The following CACNA2D2 variants were observed in gnomAD, a reference collection of about 807,000 sequenced individuals.
CACNA2D2 encodes voltage-dependent calcium channel subunit alpha-2/delta-2.
A neutral mutation model predicts 166.4 loss-of-function variants in CACNA2D2; 48 were observed. That is an observed-to-expected ratio of 0.29 (90% CI 0.23 to 0.37). CACNA2D2 has a LOEUF of 0.37. CACNA2D2 is among the 10% of genes least tolerant of loss of function. CACNA2D2 has a pLI of 1.00. For missense variants in CACNA2D2, 1,122 were observed against 1,433.0 expected, an observed-to-expected ratio of 0.78 and a Z score of 3.50; for synonymous variants, 561 against 573.7, an observed-to-expected ratio of 0.98 and a Z score of 0.32.
intron 3 of CACNA2D2, among the ~76,000 whole-genome samples, chr3:50,424,355 G>A (rs1031450641): frequency 6.6e-6 from 1 of 152,160 alleles, no homozygotes; most frequent in Non-Finnish European, 1.5e-5. Context: ...GTGTACCCCA[G>A]GGAGACTGGC....
chr3:50,368,090 A>G (rs1295117288), intron 24 of CACNA2D2, 48 bp downstream of exon 24: 1 of 1,430,392 alleles, frequency 7.0e-7, no homozygotes, highest in Non-Finnish European at 9.9e-7. Context: ...GGCTGGCCCC[A>G]TGCTGCCTGG....
intron 3 of CACNA2D2, among the ~76,000 whole-genome samples, chr3:50,404,461 C>T (rs751228474): frequency 6.6e-6 from 1 of 152,140 alleles, no homozygotes; most frequent in Non-Finnish European, 1.5e-5. Context: ...GACAGGAGTG[C>T]CTCATCTGGC....
chr3:50,448,808 G>A (rs2236978), intron 2 of CACNA2D2, among the ~76,000 whole-genome samples: 14,753 of 152,086 alleles, frequency 0.097, 2,096 homozygotes, highest in African/African-American at 0.31. Flanking sequence ...CCTAGAGCCA[G>A]GCCACCCACA....
chr3:50,446,980 G>A (rs1179789425), intron 2 of CACNA2D2, among the ~76,000 whole-genome samples: 6 of 152,234 alleles, frequency 3.9e-5, no homozygotes, highest in Non-Finnish European at 8.8e-5. Context: ...AAAGAGCCAG[G>A]ATGACCCAGG....
At position 50,379,726 on chromosome 3, in the gene CACNA2D2, G is replaced by A. The variant is rs747427558; in HGVS notation, c.992C>T (p.Ser331Leu). 11 of 1,613,560 alleles carry A rather than the reference G, an allele frequency of 6.8e-6. No individual in the cohort carries two copies. The highest frequency in any genetic ancestry group is 2.2e-5 in the East Asian group (1 of 44,892). ...CCCGTCTGCCACCTTGGCACTCACC[G>A]AGGCCACATTCACATAGTCATCATC... ...LSDDDYVNVASFNEKAQPVSC... is the reference protein window; with the variant it reads ...LSDDDYVNVALFNEKAQPVSC... Residue 331 changes from serine to leucine, a missense_variant and splice_region_variant, in exon 10 of 38, where the codon TCG becomes TTG. Transcript: ENST00000424201. This position sits in a 1 kb window ranked among gnomAD's most constrained non-coding sequence, Gnocchi z 6.5.
In CACNA2D2 at chr3:50,366,524, G is replaced by A; in HGVS notation, c.2637+54C>T. The A allele has an allele frequency of 6.3e-7, 1 of 1,591,320 alleles. No homozygotes were observed. The highest frequency in any genetic ancestry group is 8.6e-7 in the Non-Finnish European group (1 of 1,159,276). On this transcript the variant is annotated intron_variant, in intron 30 of 37. Coordinates refer to ENST00000424201, the MANE Select transcript of CACNA2D2 (RefSeq NM_006030.4). This position sits in a 1 kb window ranked among gnomAD's most constrained non-coding sequence, Gnocchi z 5.9. ...TGCTGGGAGTCGCGGCTGGGACTAG[G>A]AAGTCTGGAAGTGGGGTAAGCTAGG...
In CACNA2D2 at chr3:50,380,940, G is replaced by C; in HGVS notation, c.784+55C>G. The C allele has an allele frequency of 6.2e-7, 1 of 1,603,624 alleles. No individual in the cohort carries two copies. Among genetic ancestry groups the C allele is most frequent in the Non-Finnish European group, 8.5e-7 (1 of 1,173,356 alleles). ...CCATGCCCCCAGGATGGGTGGGCTG[G>C]TAGATGGAGAAAGGCGAGGTGCTGG... On this transcript the variant is annotated intron_variant, in intron 7 of 37. Coordinates refer to ENST00000424201, the MANE Select transcript of CACNA2D2 (RefSeq NM_006030.4). The surrounding 1 kb of genome is among the most constrained non-coding windows in gnomAD (Gnocchi z 4.9).
Position 50,395,371 on chromosome 3 carries a change from T to G in CACNA2D2, c.406-1203A>C, listed in dbSNP as rs1706100227. Among the ~76,000 whole-genome samples the G allele has an allele frequency of 2.6e-5, 4 of 151,974 alleles. No homozygotes were observed. In the South Asian group the frequency reaches 8.3e-4, roughly 32 times the overall value. ...GGCCCCGGAGCCCAGCCCTCACCAA[T>G]GCATTTGTCTTGCTCAGCCCATGAC... is the stretch of plus-strand genomic sequence containing the variant. On this transcript the variant is annotated intron_variant, in intron 3 of 37. Coordinates refer to ENST00000424201, the MANE Select transcript of CACNA2D2 (RefSeq NM_006030.4).
At chr3:50,432,619 A>G (rs1032932981) in intron 3 of CACNA2D2, among the ~76,000 whole-genome samples, 2 of 152,198 alleles carry the variant, frequency 1.3e-5, no homozygotes, top group African/African-American at 4.8e-5. Flanking sequence ...GGCGAGCGTA[A>G]TGGGCTGCTA....
chr3:50,401,222 G>A lies in CACNA2D2; in HGVS notation c.406-7054C>T, dbSNP rs1559912991. Among the ~76,000 whole-genome samples the A allele has an allele frequency of 4.6e-5, 7 of 151,588 alleles. No homozygotes were observed. The South Asian group carries it at 1.0e-3, about 22-fold the overall frequency. On this transcript the variant is annotated intron_variant, in intron 3 of 37. Transcript: ENST00000424201. ...ACCTTTTCCCTCACAGGACTCATGCGTCTTCTGCAAATTGATAAAAAAAAT... is the reference window on the plus strand; with the variant it reads ...ACCTTTTCCCTCACAGGACTCATGCATCTTCTGCAAATTGATAAAAAAAAT...
intron 1 of CACNA2D2, among the ~76,000 whole-genome samples, chr3:50,488,260 C>T (rs778930982): frequency 6.6e-6 from 1 of 152,206 alleles, no homozygotes; most frequent in Non-Finnish European, 1.5e-5. Flanking sequence ...AATTCCTACC[C>T]TCAAGTACAT....
chr3:50,440,538 A>G lies in CACNA2D2; in HGVS notation c.289-6109T>C, dbSNP rs563805299. ...TAATTCCCCTTCATATCCAGTACAG[A>G]ATGCCTGGGATGAACGCTCTCTTTA... On this transcript the variant is annotated intron_variant, in intron 2 of 37. Transcript: ENST00000424201. Among the ~76,000 whole-genome samples, 10 of 152,342 alleles carry G rather than the reference A, an allele frequency of 6.6e-5. No individual in the cohort carries two copies. In the East Asian group the frequency reaches 1.9e-3, roughly 29 times the overall value.
At chr3:50,443,417 G>A (rs994358369) in intron 2 of CACNA2D2, among the ~76,000 whole-genome samples, 7 of 152,232 alleles carry the variant, frequency 4.6e-5, no homozygotes, top group African/African-American at 1.4e-4. Flanking sequence ...AACCCATGGA[G>A]TCCTTGTCAT....
At position 50,365,882 on chromosome 3, in the gene CACNA2D2, G is replaced by T; in HGVS notation, c.2863-20C>A. 6.2e-7 allele frequency: 1 copy of T among 1,612,866 alleles called. No homozygotes were observed. The highest frequency in any genetic ancestry group is 8.5e-7 in the Non-Finnish European group (1 of 1,179,916). On this transcript the variant is annotated intron_variant, in intron 32 of 37. Transcript: ENST00000424201. The surrounding 1 kb of genome is among the most constrained non-coding windows in gnomAD (Gnocchi z 4.5). ...GGTGGGCTGCAGTGGAGAGAGGGGC[G>T]TGGACTGCCACTGCTGCCCCTCGCC... is the stretch of plus-strand genomic sequence containing the variant.
Position 50,380,664 on chromosome 3 carries a change from T to C in CACNA2D2, c.842+84A>G. On this transcript the variant is annotated intron_variant, in intron 8 of 37. Transcript: ENST00000424201. The surrounding 1 kb of genome is among the most constrained non-coding windows in gnomAD (Gnocchi z 4.9). ...AGCTGGCTGCGCCCTGCTAGGAGGC[T>C]TGGAAATGGGGAGGGAGGGGAGCAG... is the stretch of plus-strand genomic sequence containing the variant. 3.5e-6 allele frequency: 4 copies of C among 1,150,672 alleles called. No individual in the cohort carries two copies. The highest frequency in any genetic ancestry group is 4.8e-6 in the Non-Finnish European group (4 of 831,758). 71.3% of individuals were successfully genotyped at this position (1,150,672 alleles called of 1,614,324 possible).
Position 50,363,080 on chromosome 3 carries a change from ATTGTT to A in CACNA2D2, c.*1581_*1585del, listed in dbSNP as rs1266000710. On this transcript the variant is annotated 3_prime_UTR_variant, in exon 38 of 38. Transcript: ENST00000424201. ...GGGGTTAGACAGCTACCTGATGGGG[ATTGTT>A]TTGTCTGTTTTTCTGTTTTTTAAAC... 1.0e-5 allele frequency: 4 copies of A among 398,474 alleles called. No individual in the cohort carries two copies. The highest frequency in any genetic ancestry group is 1.8e-5 in the Non-Finnish European group (4 of 226,030). The allele number at this position is 398,474 out of a possible 1,614,324, so 24.7% of individuals were successfully genotyped here. A position where few individuals can be genotyped will look rare whatever the true frequency, so the allele number is the denominator to read the frequency against.
At chr3:50,433,843 C>T (rs1218952101) in intron 3 of CACNA2D2, among the ~76,000 whole-genome samples, 2 of 152,270 alleles carry the variant, frequency 1.3e-5, no homozygotes, top group East Asian at 3.9e-4. Flanking sequence ...GGCAGAGCAG[C>T]CCCCATCCTT....
intron 1 of CACNA2D2, among the ~76,000 whole-genome samples, chr3:50,484,600 G>A (rs571913927): frequency 1.6e-3 from 249 of 152,090 alleles, no homozygotes; most frequent in Non-Finnish European, 1.5e-3. Context: ...ACCTCCCTCC[G>A]GTCTCCACAC....
intron 2 of CACNA2D2, 21 bp downstream of exon 2, chr3:50,476,097 A>G (rs1278540021): frequency 6.3e-7 from 1 of 1,574,822 alleles, no homozygotes; most frequent in Non-Finnish European, 8.6e-7. Context: ...CTGAAGAGAC[A>G]GCAAGTGGCA....
Sources: allele counts gnomAD v4.1 joint callset (sites outside exome capture counted in the v4.1 genomes callset), GRCh38; gene constraint gnomAD v4.1.1; non-coding constraint Gnocchi (gnomAD v3.1); transcripts MANE v1.5; gene names NCBI Gene and HGNC (gene_info 2026-07-23, HGNC 2026-07-21).